RIMS3: variants seen among roughly 807,000 people sequenced by gnomAD.
RIMS3 encodes regulating synaptic membrane exocytosis protein 3.
In RIMS3, 15 loss-of-function variants were observed where a neutral mutation model predicts 29.2. The ratio of observed to expected loss-of-function variants is 0.51; its 90% CI spans 0.34 to 0.79. The LOEUF is 0.79. RIMS3 is among the 30% of genes least tolerant of loss of function. RIMS3 has a pLI of 0.01. For missense variants in RIMS3, 342 were observed against 421.4 expected (o/e 0.81, Z 1.65); for synonymous variants, 161 against 170.1 (o/e 0.95, Z 0.41).
Position 40,654,685 on chromosome 1 carries a change from A to G in RIMS3, c.-206-6843T>C, listed in dbSNP as rs1038517639. ...CACACACAAACTCGCACGCTGCAGA[A>G]AAACTCCCTCGCAGAGAACTGCAGA... On this transcript the variant is annotated intron_variant, in intron 1 of 7. Coordinates refer to ENST00000372684, the MANE Select transcript of RIMS3 (RefSeq NM_014747.3). This position sits in a 1 kb window ranked among gnomAD's most constrained non-coding sequence, Gnocchi z 5.3. Among the ~76,000 whole-genome samples the G allele has an allele frequency of 6.6e-6, 1 of 152,052 alleles. No individual in the cohort carries two copies. Among genetic ancestry groups the G allele is most frequent in the Non-Finnish European group, 1.5e-5 (1 of 68,012 alleles).
chr1:40,668,497 G>A (rs995276194), upstream of RIMS3, among the ~76,000 whole-genome samples: 1 of 133,886 alleles, frequency 7.5e-6, no homozygotes. Context: ...TGGGCGGGGG[G>A]GGGGGGGTTG....
At chr1:40,659,106 T>G (rs1570202829) in intron 1 of RIMS3, among the ~76,000 whole-genome samples, 1 of 152,234 alleles carries the variant, frequency 6.6e-6, no homozygotes, top group East Asian at 1.9e-4. Context: ...CTCCACAGGC[T>G]TCACAGCGAA....
upstream of RIMS3, among the ~76,000 whole-genome samples, chr1:40,670,571 A>ATTTTAT: frequency 2.3e-5 from 1 of 42,954 alleles, no homozygotes; most frequent in Non-Finnish European, 3.9e-5. Flanking sequence ...GTTAGTTATA[A>ATTTTAT]TTTTATATAT....
chr1:40,678,603 G>A, the RIMS3 span, among the ~76,000 whole-genome samples: 1 of 152,176 alleles, frequency 6.6e-6, no homozygotes, highest in Non-Finnish European at 1.5e-5. Context: ...GTTATCTTGG[G>A]AGGCAAGCAG....
chr1:40,670,518 A>T (rs892770014), upstream of RIMS3, among the ~76,000 whole-genome samples: 1 of 148,314 alleles, frequency 6.7e-6, no homozygotes, highest in Admixed American at 6.8e-5. Flanking sequence ...TAATATGTGT[A>T]AAGTTCTTAG....
At chr1:40,670,683 G>T in the RIMS3 span, among the ~76,000 whole-genome samples, 1 of 146,510 alleles carries the variant, frequency 6.8e-6, no homozygotes, top group African/African-American at 2.5e-5. Context: ...CCGCCTCCCA[G>T]GTTGAAGCAA....
intron 1 of RIMS3, among the ~76,000 whole-genome samples, chr1:40,653,834 A>G (rs1396499524): frequency 6.6e-6 from 1 of 152,164 alleles, no homozygotes; most frequent in Non-Finnish European, 1.5e-5. Flanking sequence ...AATACTCACA[A>G]TCACACTGGA....
the RIMS3 span, among the ~76,000 whole-genome samples, chr1:40,677,473 C>A: frequency 7.3e-5 from 11 of 150,892 alleles, 1 homozygote; most frequent in East Asian, 2.2e-3. Flanking sequence ...CCAAGGCAGG[C>A]GGATCACGAG....
At chr1:40,681,830 TTTTTA>T in the RIMS3 span, among the ~76,000 whole-genome samples, 4 of 152,164 alleles carry the variant, frequency 2.6e-5, no homozygotes, top group African/African-American at 7.2e-5. Context: ...CTCTAATAAC[TTTTTA>T]TTTTATTATT....
intron 1 of RIMS3, among the ~76,000 whole-genome samples, chr1:40,655,702 T>C (rs779523231): frequency 1.1e-4 from 16 of 152,210 alleles, no homozygotes; most frequent in Non-Finnish European, 2.9e-5. Flanking sequence ...CAATGATTTC[T>C]GCCAAATCTA....
At chr1:40,653,439 C>T (rs1642224935) in intron 1 of RIMS3, among the ~76,000 whole-genome samples, 1 of 152,268 alleles carries the variant, frequency 6.6e-6, no homozygotes, top group South Asian at 2.1e-4. Context: ...CGAGAAGAGG[C>T]CTGCCCAGCT....
chr1:40,676,050 C>G, the RIMS3 span, among the ~76,000 whole-genome samples: 1 of 152,140 alleles, frequency 6.6e-6, no homozygotes, highest in African/African-American at 2.4e-5. Flanking sequence ...AGGAGCAATC[C>G]TATCCAGTGA....
At chr1:40,651,389 G>A (rs1444780235) in intron 1 of RIMS3, among the ~76,000 whole-genome samples, 1 of 152,196 alleles carries the variant, frequency 6.6e-6, no homozygotes, top group Non-Finnish European at 1.5e-5. Context: ...AGAAGCCAGG[G>A]GAGGGGCACG....
chr1:40,649,479 G>A (rs546480158), intron 1 of RIMS3, among the ~76,000 whole-genome samples: 29 of 152,354 alleles, frequency 1.9e-4, no homozygotes, highest in East Asian at 7.7e-4. Context: ...CCATGGCTCC[G>A]TGGGCAGGGA....
chr1:40,677,727 T>TA, the RIMS3 span, among the ~76,000 whole-genome samples: 2 of 150,414 alleles, frequency 1.3e-5, no homozygotes, highest in African/African-American at 2.4e-5. Flanking sequence ...AATAATTAAT[T>TA]AAAAAAAAAG....
Position 40,636,155 on chromosome 1 carries a change from G to T in RIMS3, c.218-98C>A, listed in dbSNP as rs1570176677. On this transcript the variant is annotated intron_variant, in intron 3 of 7. Transcript: ENST00000372684. This position sits in a 1 kb window ranked among gnomAD's most constrained non-coding sequence, Gnocchi z 4.2. ...TGCCAAAGTCACTCTCTTGGCATGGGGGGTTGATGGGGAGGATGAGCAGGG... is the reference window on the plus strand; with the variant it reads ...TGCCAAAGTCACTCTCTTGGCATGGTGGGTTGATGGGGAGGATGAGCAGGG... 6.9e-7 allele frequency: 1 copy of T among 1,443,464 alleles called. No homozygotes were observed. 89.4% of individuals were successfully genotyped at this position (1,443,464 alleles called of 1,614,324 possible). A position where few individuals can be genotyped will look rare whatever the true frequency, so the allele number is the denominator to read the frequency against.
At chr1:40,631,367 C>T (rs1646488166) in intron 5 of RIMS3, among the ~76,000 whole-genome samples, 1 of 152,124 alleles carries the variant, frequency 6.6e-6, no homozygotes, top group South Asian at 2.1e-4. Flanking sequence ...AGAACCCTAC[C>T]TCGCCCCCAC....
chr1:40,634,115 CA>C (rs1646505983), intron 4 of RIMS3, among the ~76,000 whole-genome samples: 3 of 152,160 alleles, frequency 2.0e-5, no homozygotes, highest in Admixed American at 2.0e-4. Context: ...TGCCAACCCT[CA>C]GGGGCTATGA....
In RIMS3 at chr1:40,635,878, G is replaced by A. The variant is rs909399634; in HGVS notation, c.359+38C>T. 2.5e-6 allele frequency: 4 copies of A among 1,604,014 alleles called. No homozygotes were observed. The highest frequency in any genetic ancestry group is 2.7e-5 in the African/African-American group (2 of 74,846). On this transcript the variant is annotated intron_variant, in intron 4 of 7. Coordinates refer to ENST00000372684, the MANE Select transcript of RIMS3 (RefSeq NM_014747.3). The surrounding 1 kb of genome is among the most constrained non-coding windows in gnomAD (Gnocchi z 4.1). Reference sequence around the variant, plus strand: ...AGTGGCTCTGTGACTGGAGGACCGAGGAGGAGGGAGGGGACCACAGCACGG... The same window carrying A: ...AGTGGCTCTGTGACTGGAGGACCGAAGAGGAGGGAGGGGACCACAGCACGG...
Sources: allele counts gnomAD v4.1 joint callset (sites outside exome capture counted in the v4.1 genomes callset), GRCh38; gene constraint gnomAD v4.1.1; non-coding constraint Gnocchi (gnomAD v3.1); transcripts MANE v1.5; gene names NCBI Gene and HGNC (gene_info 2026-07-23, HGNC 2026-07-21).